Variants in ARHGEF40 observed in about 807,000 individuals in gnomAD.
ARHGEF40 encodes the protein Rho guanine nucleotide exchange factor (GEF) 40.
In ARHGEF40, 98 loss-of-function variants were observed where a neutral mutation model predicts 165.9. That is an observed-to-expected ratio of 0.59 (90% CI 0.50 to 0.70). The LOEUF (loss-of-function observed/expected upper bound fraction) is 0.70. Ranked by LOEUF, ARHGEF40 falls within the 30% of genes least tolerant of loss-of-function variation. ARHGEF40 has a pLI of 0.00. For missense variants in ARHGEF40, 1,815 were observed against 1,968.0 expected (o/e 0.92, Z 1.47); for synonymous variants, 792 against 814.3 (o/e 0.97, Z 0.47).
chr14:21,085,118 G>T (rs1302334517), intron 18 of ARHGEF40, among the ~76,000 whole-genome samples, 195 bp downstream of exon 18: 1 of 152,162 alleles, frequency 6.6e-6, no homozygotes, highest in African/African-American at 2.4e-5. Flanking sequence ...ACCTCATGAG[G>T]TTTTCCTTAT....
At position 21,081,330 on chromosome 14, in the gene ARHGEF40, C is replaced by CT. The variant is rs1594569808; in HGVS notation, c.2641-178dup. The CT allele has an allele frequency of 3.2e-6, 3 of 925,934 alleles. No individual in the cohort carries two copies. In the East Asian group the frequency reaches 7.7e-5, roughly 24 times the overall value. The allele number at this position is 925,934 out of a possible 1,614,324, so 57.4% of individuals were successfully genotyped here. On this transcript the variant is annotated intron_variant, in intron 13 of 23. Coordinates refer to ENST00000298694, the MANE Select transcript of ARHGEF40 (RefSeq NM_018071.5). The stretch of plus-strand genomic sequence containing the variant: ...TATTCTTTTATATAGGCTCTTCCAT[C>CT]TCCATACCAACTCCGAGTGACATGG...
In ARHGEF40 at chr14:21,075,244, G is replaced by T; in HGVS notation, c.1450+64G>T. The T allele has an allele frequency of 6.3e-7, 1 of 1,587,760 alleles. No individual in the cohort carries two copies. Among genetic ancestry groups the T allele is most frequent in the South Asian group, 1.2e-5 (1 of 85,846 alleles). On this transcript the variant is annotated intron_variant, in intron 3 of 23. Coordinates refer to ENST00000298694, the MANE Select transcript of ARHGEF40 (RefSeq NM_018071.5). This position sits in a 1 kb window ranked among gnomAD's most constrained non-coding sequence, Gnocchi z 4.5. The stretch of plus-strand genomic sequence containing the variant: ...AAAGCAGGTCGGGCCTATGGGAGGG[G>T]GCAGGAGGAGGAGCAGGGTTAGGCT...
Position 21,070,710 on chromosome 14 carries a change from C to T in ARHGEF40, c.3+311C>T. On this transcript the variant is annotated intron_variant, in intron 1 of 23. Transcript: ENST00000298694. The surrounding 1 kb of genome is among the most constrained non-coding windows in gnomAD (Gnocchi z 4.7). ...CTCCTCTGTCCTGACCTGTGCCTTC[C>T]TTTCCTGGAGCTTCCCTCCCCCTCC... 1 of 1,236,426 alleles carries T rather than the reference C, an allele frequency of 8.1e-7. No homozygotes were observed. Among genetic ancestry groups the T allele is most frequent in the Non-Finnish European group, 1.1e-6 (1 of 883,822 alleles). 76.6% of individuals were successfully genotyped at this position (1,236,426 alleles called of 1,614,324 possible).
rs1306017297 is a variant in ARHGEF40 at position 21,083,869 on chromosome 14, C to T, written c.3608C>T (p.Ala1203Val). ...SMEAGPYLPR[A>V]LQQPLEQLTR... ...GAGGCTGGCCCTTACCTGCCCCGAG[C>T]CCTGCAGCAGCCTCTGGAACAGCTG... The change falls in exon 17 of 24, where the codon GCC (alanine) becomes GTC (valine). Residue 1203 changes from alanine to valine, a missense_variant. Transcript: ENST00000298694. 2 of 1,613,940 alleles carry T rather than the reference C, an allele frequency of 1.2e-6. No individual in the cohort carries two copies. The highest frequency in any genetic ancestry group is 2.2e-5 in the South Asian group (2 of 91,078).
rs1229707121 is a variant in ARHGEF40, at chr14:21,075,717, C to T, written c.1691C>T (p.Ser564Phe). The change falls in exon 5 of 24, where the codon TCC (serine) becomes TTC (phenylalanine). Residue 564 changes from serine (S) to phenylalanine (F), a missense_variant. Coordinates refer to ENST00000298694, the MANE Select transcript of ARHGEF40 (RefSeq NM_018071.5). This position sits in a 1 kb window ranked among gnomAD's most constrained non-coding sequence, Gnocchi z 4.5. ...TGCCCTCCTGAGGAGCCCCCACCCT[C>T]CCGAGACACGCTGAACACAACTCTT... ...PPCPPEEPPP[S>F]RDTLNTTLHY... The T allele has an allele frequency of 6.2e-7, 1 of 1,613,700 alleles. No individual in the cohort carries two copies. Among genetic ancestry groups the T allele is most frequent in the East Asian group, 2.2e-5 (1 of 44,896 alleles).
chr14:21,073,976 C>T lies in ARHGEF40; in HGVS notation c.246C>T (p.Leu82=), dbSNP rs1256804608. The T allele has an allele frequency of 2.5e-6, 4 of 1,611,350 alleles. No individual in the cohort carries two copies. The South Asian group carries it at 4.4e-5, about 18-fold the overall frequency. Reference sequence around the variant, plus strand: ...TCTTCTTCCATGAGGGGTGGCCGCTCTGCCTGCATGAACAGGTGGTGGTGC... The same window carrying T: ...TCTTCTTCCATGAGGGGTGGCCGCTTTGCCTGCATGAACAGGTGGTGGTGC... ...GFLFFHEGWP[L]CLHEQVVVQL... The change falls in exon 3 of 24, where the codon CTC becomes CTT. Residue 82 remains leucine, a synonymous_variant. Transcript: ENST00000298694. This position sits in a 1 kb window ranked among gnomAD's most constrained non-coding sequence, Gnocchi z 4.6.
In ARHGEF40 at chr14:21,074,962, A is replaced by G; in HGVS notation, c.1232A>G (p.Gln411Arg). The G allele has an allele frequency of 6.2e-7, 1 of 1,609,872 alleles. No homozygotes were observed. Among genetic ancestry groups the G allele is most frequent in the Non-Finnish European group, 8.5e-7 (1 of 1,178,474 alleles). The stretch of plus-strand genomic sequence containing the variant: ...GGGGACAAGGAAGATGCCAGCCACC[A>G]AGAAGCCCTTGGCAATCTGCCCTCA... ...SPGDKEDASH[Q>R]EALGNLPSPS... is the part of the protein sequence containing the mutation. Residue 411 changes from glutamine to arginine, a missense_variant, in exon 3 of 24, where the codon CAA becomes CGA. By Grantham distance (43) the Gln-to-Arg change is conservative (BLOSUM62 1). Transcript: ENST00000298694. The surrounding 1 kb of genome is among the most constrained non-coding windows in gnomAD (Gnocchi z 4.8).
Position 21,087,389 on chromosome 14 carries a change from C to G in ARHGEF40, c.4313C>G (p.Ser1438Trp), listed in dbSNP as rs777731715. Reference sequence around the variant, plus strand: ...GCCGGCCCCTCCCTTCCCGGCCTTTCGCCGGGAGCCTGCTCCCTGCCTGCC... The same window carrying G: ...GCCGGCCCCTCCCTTCCCGGCCTTTGGCCGGGAGCCTGCTCCCTGCCTGCC... ...EHAGPSLPGLSPGACSLPARV... is the reference protein window; with the variant it reads ...EHAGPSLPGLWPGACSLPARV... The change falls in exon 21 of 24, where the codon TCG (serine) becomes TGG (tryptophan). Residue 1438 changes from serine to tryptophan, a missense_variant. Physicochemically the swap from Ser to Trp is radical, Grantham distance 177. Coordinates refer to ENST00000298694, the MANE Select transcript of ARHGEF40 (RefSeq NM_018071.5). 2 of 1,603,266 alleles carry G rather than the reference C, an allele frequency of 1.2e-6. No individual in the cohort carries two copies. The highest frequency in any genetic ancestry group is 1.1e-5 in the South Asian group (1 of 91,092).
chr14:21,069,994 G>C (rs773579110), upstream of ARHGEF40, among the ~76,000 whole-genome samples: 1 of 152,156 alleles, frequency 6.6e-6, no homozygotes, highest in Non-Finnish European at 1.5e-5. Context: ...AGGCCGTGGC[G>C]GGAAAAGAGG....
intron 18 of ARHGEF40, 25 bp from the exon 19 acceptor site, chr14:21,085,664 C>A: frequency 4.4e-6 from 7 of 1,608,102 alleles, no homozygotes; most frequent in Non-Finnish European, 5.1e-6. Context: ...TCTGTCTTCA[C>A]CCGCTGCCCT....
rs374304465 is a variant in ARHGEF40 at position 21,076,902 on chromosome 14, C to T, written c.2034+12C>T. ...TAGAGATACACCAGGTAAGCTTCCC[C>T]TCTACCACCTAGCATGCTGGGAGCC... On this transcript the variant is annotated intron_variant, in intron 8 of 23. Coordinates refer to ENST00000298694, the MANE Select transcript of ARHGEF40 (RefSeq NM_018071.5). 1.5e-5 allele frequency: 24 copies of T among 1,599,848 alleles called. No homozygotes were observed. The highest frequency in any genetic ancestry group is 2.0e-5 in the Non-Finnish European group (23 of 1,168,442).
rs1221412420 is a variant in ARHGEF40 at position 21,070,807 on chromosome 14, C to T, written c.3+408C>T. On this transcript the variant is annotated intron_variant, in intron 1 of 23. Coordinates refer to ENST00000298694, the MANE Select transcript of ARHGEF40 (RefSeq NM_018071.5). This position sits in a 1 kb window ranked among gnomAD's most constrained non-coding sequence, Gnocchi z 4.7. ...CAGCGACCCTGGAAGAGGCCCGGCC[C>T]CTCGGGTCATGAGAACTGACCTGCA... is the stretch of plus-strand genomic sequence containing the variant. The T allele has an allele frequency of 5.9e-6, 9 of 1,535,512 alleles. No homozygotes were observed. The highest frequency in any genetic ancestry group is 7.8e-6 in the Non-Finnish European group (9 of 1,146,856).
chr14:21,088,699 A>C, intron 22 of ARHGEF40, 131 bp from the exon 23 acceptor site: 1 of 966,586 alleles, frequency 1.0e-6, no homozygotes, highest in Non-Finnish European at 1.5e-6. Context: ...AAATAAAAGT[A>C]AATAGCAAAA....
intron 17 of ARHGEF40, among the ~76,000 whole-genome samples, chr14:21,084,430 C>T (rs971397290): frequency 2.6e-5 from 4 of 152,208 alleles, no homozygotes; most frequent in African/African-American, 7.2e-5. Flanking sequence ...CTGTATCCTC[C>T]TCTGGAATAG....
chr14:21,075,411 C>G lies in ARHGEF40; in HGVS notation c.1530C>G (p.Asn510Lys), dbSNP rs1327408630. The G allele has an allele frequency of 1.2e-6, 2 of 1,614,212 alleles. No individual in the cohort carries two copies. Among genetic ancestry groups the G allele is most frequent in the Non-Finnish European group, 1.7e-6 (2 of 1,180,044 alleles). ...LETVQEGKGD[N>K]IPEEALAVSV... Reference sequence around the variant, plus strand: ...CTGTGCAGGAAGGAAAAGGGGACAACATTCCAGAAGAGGCCCTTGCAGTCT... The same window carrying G: ...CTGTGCAGGAAGGAAAAGGGGACAAGATTCCAGAAGAGGCCCTTGCAGTCT... The change falls in exon 4 of 24, where the codon AAC becomes AAG. Residue 510 changes from asparagine (N) to lysine (K), a missense_variant. Coordinates refer to ENST00000298694, the MANE Select transcript of ARHGEF40 (RefSeq NM_018071.5). The surrounding 1 kb of genome is among the most constrained non-coding windows in gnomAD (Gnocchi z 4.5).
At chr14:21,062,482 T>G in the ARHGEF40 span, among the ~76,000 whole-genome samples, 1 of 152,092 alleles carries the variant, frequency 6.6e-6, no homozygotes, top group Non-Finnish European at 1.5e-5. Context: ...AATGGGAGTA[T>G]TATATCCTAG....
the ARHGEF40 span, among the ~76,000 whole-genome samples, chr14:21,063,963 A>G: frequency 6.6e-6 from 1 of 152,210 alleles, no homozygotes; most frequent in Non-Finnish European, 1.5e-5. Flanking sequence ...TATAACTGCA[A>G]CAATTCACTG....
chr14:21,087,433 T>C lies in ARHGEF40; in HGVS notation c.4357T>C (p.Trp1453Arg). 1 of 1,600,968 alleles carries C rather than the reference T, an allele frequency of 6.2e-7. No individual in the cohort carries two copies. The highest frequency in any genetic ancestry group is 8.5e-7 in the Non-Finnish European group (1 of 1,179,904). The change falls in exon 21 of 24, where the codon TGG (tryptophan) becomes CGG (arginine). Residue 1453 changes from tryptophan to arginine, a missense_variant. Physicochemically the swap from Trp to Arg is moderately radical, Grantham distance 101 (BLOSUM62 -3). Coordinates refer to ENST00000298694, the MANE Select transcript of ARHGEF40 (RefSeq NM_018071.5). ...GCCTGCCCGCGTCGAGGAGGAGGCC[T>C]GGGATCTGGACGTCAAGCAAATTTC... ...SLPARVEEEA[W>R]DLDVKQISLA...
At position 21,076,755 on chromosome 14, in the gene ARHGEF40, C is replaced by T. The variant is rs755368579; in HGVS notation, c.1918-19C>T. 27 of 1,613,478 alleles carry T rather than the reference C, an allele frequency of 1.7e-5. No individual in the cohort carries two copies. The highest frequency in any genetic ancestry group is 2.2e-5 in the East Asian group (1 of 44,862). Reference sequence around the variant, plus strand: ...TCCTTGGGTGCCCAGGAAGAAACCCCCTGCCTTACCCTCTACAGGGTGCTG... The same window carrying T: ...TCCTTGGGTGCCCAGGAAGAAACCCTCTGCCTTACCCTCTACAGGGTGCTG... On this transcript the variant is annotated intron_variant, in intron 7 of 23. Coordinates refer to ENST00000298694, the MANE Select transcript of ARHGEF40 (RefSeq NM_018071.5).
Sources: allele counts gnomAD v4.1 joint callset (sites outside exome capture counted in the v4.1 genomes callset), GRCh38; gene constraint gnomAD v4.1.1; non-coding constraint Gnocchi (gnomAD v3.1); transcripts MANE v1.5; gene names NCBI Gene and HGNC (gene_info 2026-07-23, HGNC 2026-07-21).